NXPE2: variants seen among roughly 807,000 people sequenced by gnomAD.
NXPE2 encodes neurexophilin and PC-esterase domain family member 2, also known as NXPE family member 2.
In NXPE2, 34 loss-of-function variants were observed where a neutral mutation model predicts 34.4. The observed-to-expected ratio is 0.99, with a 90% CI of 0.75 to 1.31. The LOEUF is 1.31. Ranked by LOEUF, NXPE2 falls within the 40% of genes most tolerant of loss-of-function variation. The pLI, the probability that NXPE2 is intolerant of heterozygous loss-of-function variation, is 0.00. For missense variants in NXPE2, 649 were observed against 672.5 expected, an observed-to-expected ratio of 0.97 and a Z score of 0.39; for synonymous variants, 235 against 231.3, an observed-to-expected ratio of 1.02 and a Z score of -0.15.
chr11:114,697,889 AT>A (rs1366596058), intron 2 of NXPE2, among the ~76,000 whole-genome samples, 155 bp from the exon 3 acceptor site: 1 of 152,214 alleles, frequency 6.6e-6, no homozygotes, highest in Non-Finnish European at 1.5e-5. Flanking sequence ...CATGGAAACC[AT>A]TTCTGAAGAT....
Position 114,698,583 on chromosome 11 carries a change from G to A in NXPE2, c.671G>A (p.Ser224Asn), listed in dbSNP as rs1565388288. ...TTCACTGGCCTGTTTGCCAACAGAA[G>A]CTCCAATGTCTTCACTGAATGTGGC... ...IIFTGLFANR[S>N]SNVFTECGLT... is the part of the protein sequence containing the mutation. Residue 224 changes from serine to asparagine, a missense_variant, in exon 3 of 6, where the codon AGC (serine) becomes AAC (asparagine). Ser to Asn is a conservative substitution (Grantham distance 46, BLOSUM62 1). Transcript: ENST00000389586. 8 of 1,614,084 alleles carry A rather than the reference G, an allele frequency of 5.0e-6. No homozygotes were observed. The Admixed American group carries it at 6.7e-5, about 13-fold the overall frequency.
chr11:114,773,939 C>T, the NXPE2 span, among the ~76,000 whole-genome samples: 5 of 152,216 alleles, frequency 3.3e-5, no homozygotes, highest in South Asian at 2.1e-4. Flanking sequence ...CAGCTTAAGA[C>T]GGCAGATCGC....
At chr11:114,639,971 TATATA>T in the NXPE2 span, among the ~76,000 whole-genome samples, 18,387 of 109,754 alleles carry the variant, frequency 0.17, 2,024 homozygotes, top group South Asian at 0.23. Flanking sequence ...AAATATATTA[TATATA>T]ATATAATATA....
the NXPE2 span, among the ~76,000 whole-genome samples, chr11:114,672,184 C>A: frequency 6.6e-6 from 1 of 151,960 alleles, no homozygotes; most frequent in Non-Finnish European, 1.5e-5. Context: ...TCCTCTAACA[C>A]TGGGAATTAC....
At chr11:114,483,420 C>G in the NXPE2 span, among the ~76,000 whole-genome samples, 3 of 152,296 alleles carry the variant, frequency 2.0e-5, no homozygotes, top group South Asian at 2.1e-4. Flanking sequence ...CGTAAGTTTT[C>G]TAAAGCACAG....
the NXPE2 span, among the ~76,000 whole-genome samples, chr11:114,561,677 T>C: frequency 3.3e-5 from 5 of 152,230 alleles, no homozygotes; most frequent in African/African-American, 4.8e-5. Context: ...ATTTATGAAA[T>C]GTCTGATGTC....
the NXPE2 span, among the ~76,000 whole-genome samples, chr11:114,531,625 C>G: frequency 1.3e-5 from 2 of 152,186 alleles, no homozygotes; most frequent in African/African-American, 2.4e-5. Flanking sequence ...ATTTTCAACT[C>G]TACTTCTTGC....
At chr11:114,758,159 T>C in the NXPE2 span, among the ~76,000 whole-genome samples, 1 of 149,348 alleles carries the variant, frequency 6.7e-6, no homozygotes, top group East Asian at 1.9e-4. Flanking sequence ...ACAGACACTA[T>C]GACTTCTTCT....
At chr11:114,616,220 T>C in the NXPE2 span, among the ~76,000 whole-genome samples, 1 of 151,506 alleles carries the variant, frequency 6.6e-6, no homozygotes, top group African/African-American at 2.4e-5. Flanking sequence ...TGGTGGATAA[T>C]AAGTATTGCC....
At chr11:114,705,045 T>C (rs1056049563) in intron 4 of NXPE2, among the ~76,000 whole-genome samples, 3 of 152,134 alleles carry the variant, frequency 2.0e-5, no homozygotes, top group East Asian at 1.9e-4. Flanking sequence ...ATCCCAACAA[T>C]GCAGGTAGAT....
chr11:114,522,373 C>T, the NXPE2 span: 3 of 1,613,966 alleles, frequency 1.9e-6, no homozygotes, highest in Non-Finnish European at 2.5e-6. Flanking sequence ...CATGATCTAT[C>T]AGAGAGTAGA....
At chr11:114,745,639 A>G in the NXPE2 span, among the ~76,000 whole-genome samples, 1 of 152,290 alleles carries the variant, frequency 6.6e-6, no homozygotes, top group African/African-American at 2.4e-5. Context: ...TTTCAAGAAA[A>G]ATTTCTTTGG....
chr11:114,679,796 G>T, intron 2 of NXPE2, 34 bp downstream of exon 2: 1 of 1,321,974 alleles, frequency 7.6e-7, no homozygotes, highest in African/African-American at 1.5e-5. Context: ...TTTCACAGAA[G>T]GTCACGGTGA....
At chr11:114,650,761 A>G in the NXPE2 span, among the ~76,000 whole-genome samples, 4 of 152,252 alleles carry the variant, frequency 2.6e-5, no homozygotes, top group African/African-American at 9.6e-5. Flanking sequence ...GGTTGCCACA[A>G]GAAGGAGGAG....
the NXPE2 span, among the ~76,000 whole-genome samples, chr11:114,618,603 G>A: frequency 6.6e-6 from 1 of 151,980 alleles, no homozygotes; most frequent in Non-Finnish European, 1.5e-5. Context: ...GTTACCCTGT[G>A]GATAATAAGT....
the NXPE2 span, among the ~76,000 whole-genome samples, chr11:114,605,980 G>A: frequency 2.0e-5 from 3 of 151,430 alleles, no homozygotes; most frequent in East Asian, 5.9e-4. Context: ...GGTAACCATT[G>A]TTACCAGGTG....
the NXPE2 span, among the ~76,000 whole-genome samples, chr11:114,510,889 G>A: frequency 1.3e-5 from 2 of 152,102 alleles, no homozygotes; most frequent in East Asian, 3.9e-4. Context: ...GGCAGAGAAA[G>A]GAAGGTGTAC....
the NXPE2 span, among the ~76,000 whole-genome samples, chr11:114,717,946 C>T: frequency 6.6e-6 from 1 of 152,168 alleles, no homozygotes; most frequent in South Asian, 2.1e-4. Flanking sequence ...AATTAGATAG[C>T]ATGTCCTGAG....
the NXPE2 span, among the ~76,000 whole-genome samples, chr11:114,743,030 T>C: frequency 2.3e-5 from 3 of 131,022 alleles, no homozygotes; most frequent in East Asian, 4.2e-4. Context: ...TTTTGAGGCA[T>C]GCAAATGGAT....
Sources: allele counts gnomAD v4.1 joint callset (sites outside exome capture counted in the v4.1 genomes callset), GRCh38; gene constraint gnomAD v4.1.1; transcripts MANE v1.5; gene names NCBI Gene and HGNC (gene_info 2026-07-23, HGNC 2026-07-21).